TMEM164: variants seen among roughly 807,000 people sequenced by gnomAD.
The protein encoded by TMEM164 is RP13-360B22.2.
A neutral mutation model predicts 18.8 loss-of-function variants in TMEM164; 4 were observed. The observed-to-expected ratio is 0.21, with a 90% CI of 0.10 to 0.49. TMEM164 has a LOEUF of 0.49. Ranked by LOEUF, TMEM164 falls within the 20% of genes least tolerant of loss-of-function variation. The probability of loss-of-function intolerance (pLI) is 0.98; values close to 1 mark genes in which losing one functional copy is unlikely to be tolerated. For missense variants in TMEM164, 108 were observed against 239.9 expected (o/e 0.45, Z 3.63); for synonymous variants, 86 against 101.7 (o/e 0.85, Z 0.93).
intron 5 of TMEM164, among the ~76,000 whole-genome samples, chrX:110,164,880 GAAGC>G (rs1378386032): frequency 0.05 from 5,629 of 112,167 alleles, 359 homozygotes; most frequent in African/African-American, 0.17. Flanking sequence ...GGCCACAGAT[GAAGC>G]AGGCAAGGAG....
intron 2 of TMEM164, among the ~76,000 whole-genome samples, chrX:110,060,188 G>A (rs1936044499): frequency 9.5e-6 from 1 of 105,688 alleles, no homozygotes; most frequent in African/African-American, 3.4e-5. Flanking sequence ...GATTGCTTGA[G>A]CCTAGGAGTT....
intron 4 of TMEM164, among the ~76,000 whole-genome samples, chrX:110,137,963 C>A (rs1379190945): frequency 4.5e-5 from 5 of 112,025 alleles, no homozygotes; most frequent in Non-Finnish European, 9.4e-5. Context: ...AATGAATGGA[C>A]TGATGTGGGG....
chrX:110,089,928 G>A (rs1052749728), intron 3 of TMEM164, among the ~76,000 whole-genome samples: 9 of 112,413 alleles, frequency 8.0e-5, no homozygotes, highest in Admixed American at 9.5e-5. Context: ...TAGTAGTAGC[G>A]TATAGCATTA....
chrX:110,033,420 G>T (rs1934609190), intron 2 of TMEM164, among the ~76,000 whole-genome samples: 1 of 111,992 alleles, frequency 8.9e-6, no homozygotes, highest in South Asian at 3.7e-4. Flanking sequence ...TGTTTTATTT[G>T]AAAAGAAACT....
intron 4 of TMEM164, among the ~76,000 whole-genome samples, chrX:110,133,544 A>G (rs1428200160): frequency 8.9e-6 from 1 of 111,780 alleles, no homozygotes; most frequent in Non-Finnish European, 1.9e-5. Context: ...TAAAGGCACT[A>G]TCTCCAAATA....
chrX:110,111,900 G>A lies in TMEM164; in HGVS notation c.507+2754G>A, dbSNP rs6642752. ...CCCTGGGTCTGCTGAAGTATCCTTA[G>A]TCCCTTTATCAATAACAGTAGCGGT... On this transcript the variant is annotated intron_variant, in intron 4 of 6. Transcript: ENST00000372068. Among the ~76,000 whole-genome samples the A allele has an allele frequency of 1.1e-3, 118 of 111,401 alleles. No individual in the cohort carries two copies. In the East Asian group the frequency reaches 0.032, roughly 30 times the overall value.
intron 3 of TMEM164, among the ~76,000 whole-genome samples, chrX:110,086,305 A>G (rs777951335): frequency 1.3e-4 from 14 of 111,973 alleles, no homozygotes; most frequent in African/African-American, 3.9e-4. Flanking sequence ...ATTGGCAACC[A>G]TTTCCTGTAA....
At position 110,026,559 on chromosome X, in the gene TMEM164, CT is replaced by C. The variant is rs758694368; in HGVS notation, c.390+22397del. Among the ~76,000 whole-genome samples, 560 of 111,542 alleles carry C rather than the reference CT, an allele frequency of 5.0e-3. 1 individual carries two copies. Among genetic ancestry groups the C allele is most frequent in the Middle Eastern group, 0.023 (5 of 214 alleles). On this transcript the variant is annotated intron_variant, in intron 2 of 6. Coordinates refer to ENST00000372068, the MANE Select transcript of TMEM164 (RefSeq NM_032227.4). ...TGGGTAATAGGCCTATTACCTACTT[CT>C]TCACAGTAATGATAACAGCTCACAT...
chrX:110,171,601 A>G, intron 6 of TMEM164, 81 bp downstream of exon 6: 1 of 824,825 alleles, frequency 1.2e-6, no homozygotes, highest in African/African-American at 2.0e-5. Context: ...GTGCTGACGT[A>G]TCACTTTGTT....
intron 2 of TMEM164, chrX:110,046,604 G>C: frequency 2.1e-6 from 1 of 465,545 alleles, no homozygotes. Context: ...GGTGTCACTA[G>C]GAGATTGCTG....
chrX:110,048,535 G>A (rs1457277886), intron 2 of TMEM164, among the ~76,000 whole-genome samples: 2 of 110,365 alleles, frequency 1.8e-5, no homozygotes, highest in Non-Finnish European at 3.8e-5. Context: ...TTACAGATGT[G>A]GACCCTGAGA....
chrX:110,085,374 G>A (rs1285716227), intron 3 of TMEM164, among the ~76,000 whole-genome samples: 1 of 107,773 alleles, frequency 9.3e-6, no homozygotes, highest in Non-Finnish European at 1.9e-5. Flanking sequence ...GTTTTGCGGT[G>A]TTGCCCAGTC....
intron 2 of TMEM164, among the ~76,000 whole-genome samples, chrX:110,013,659 G>C (rs1933134243): frequency 9.0e-6 from 1 of 111,611 alleles, no homozygotes. Context: ...GTTCAGCTTG[G>C]TGGATAGAGC....
intron 3 of TMEM164, among the ~76,000 whole-genome samples, chrX:110,099,468 A>G (rs1372221062): frequency 8.9e-6 from 1 of 112,098 alleles, no homozygotes; most frequent in African/African-American, 3.2e-5. Context: ...TATTTTACAT[A>G]TGAATGTCCA....
chrX:110,137,687 T>C (rs1436319795), intron 4 of TMEM164, among the ~76,000 whole-genome samples: 3 of 112,278 alleles, frequency 2.7e-5, no homozygotes, highest in African/African-American at 6.5e-5. Flanking sequence ...TGCACTGATA[T>C]TCTTGCCTTA....
chrX:110,054,237 C>T (rs1345621590), intron 2 of TMEM164, among the ~76,000 whole-genome samples: 1 of 111,792 alleles, frequency 8.9e-6, no homozygotes, highest in African/African-American at 3.2e-5. Context: ...AATATATGAA[C>T]TAATATGTGT....
At chrX:110,158,947 G>A (rs58623304) in intron 5 of TMEM164, among the ~76,000 whole-genome samples, 13,101 of 111,802 alleles carry the variant, frequency 0.12, 1,846 homozygotes, top group African/African-American at 0.41. Flanking sequence ...ACTTCCTCAT[G>A]TGGTTGTAAT....
intron 2 of TMEM164, among the ~76,000 whole-genome samples, chrX:110,042,126 A>G (rs1935121714): frequency 1.8e-5 from 2 of 109,491 alleles, no homozygotes; most frequent in Non-Finnish European, 3.8e-5. Flanking sequence ...TCCTATTTCT[A>G]GCACTTTTTT....
intron 4 of TMEM164, among the ~76,000 whole-genome samples, chrX:110,122,231 A>G (rs1345815527): frequency 9.2e-6 from 1 of 108,884 alleles, no homozygotes; most frequent in Non-Finnish European, 1.9e-5. Flanking sequence ...TACACCATGG[A>G]ATACTATGCA....
Sources: gnomAD v4.1 joint callset for allele counts (sites outside exome capture counted in the v4.1 genomes callset) on GRCh38, gnomAD v4.1.1 for gene constraint, MANE v1.5 for transcripts, NCBI Gene and HGNC (gene_info 2026-07-23, HGNC 2026-07-21) for gene names.